The following TNKS variants were observed in gnomAD, a reference collection of about 807,000 sequenced individuals.
TNKS encodes poly [ADP-ribose] polymerase tankyrase-1.
In TNKS, 72 loss-of-function variants were observed where a neutral mutation model predicts 135.8. The ratio of observed to expected loss-of-function variants is 0.53; its 90% CI spans 0.44 to 0.64. TNKS has a LOEUF of 0.64. Ranked by LOEUF, TNKS falls within the 30% of genes least tolerant of loss-of-function variation. TNKS has a pLI of 0.00. For synonymous variants in TNKS, 849 were observed against 649.3 expected, an observed-to-expected ratio of 1.31 and a Z score of -4.68; for missense variants, 1,769 against 1,674.0, an observed-to-expected ratio of 1.06 and a Z score of -0.99.
At chr8:9,721,809 T>G (rs6986929) in intron 12 of TNKS, among the ~76,000 whole-genome samples, 106,383 of 151,792 alleles carry the variant, frequency 0.7, 37,826 homozygotes, top group Admixed American at 0.8. Flanking sequence ...ATCCCAGCAC[T>G]TTGGGAGGCC....
At chr8:9,638,883 G>T (rs1356927374) in intron 3 of TNKS, among the ~76,000 whole-genome samples, 1 of 152,092 alleles carries the variant, frequency 6.6e-6, no homozygotes, top group Non-Finnish European at 1.5e-5. Context: ...TTTCAAATTG[G>T]TGCCCAAATG....
chr8:9,651,200 T>G (rs570077779), intron 3 of TNKS, among the ~76,000 whole-genome samples: 1 of 152,268 alleles, frequency 6.6e-6, no homozygotes, highest in Non-Finnish European at 1.5e-5. Context: ...GTACAAAATT[T>G]TAAATAAAAA....
intron 1 of TNKS, among the ~76,000 whole-genome samples, chr8:9,569,824 G>A (rs1797691418): frequency 6.6e-6 from 1 of 151,888 alleles, no homozygotes; most frequent in Non-Finnish European, 1.5e-5. Flanking sequence ...TGTTATCTGT[G>A]CTTTGTTAAA....
At position 9,680,968 on chromosome 8, in the gene TNKS, A is replaced by G. The variant is rs1231496534; in HGVS notation, c.1107+168A>G. ...TGTTATTGGCAGTTGTGACACATTCATAGAACTGGTGAAGCATGGATCTTA... is the reference window on the plus strand; with the variant it reads ...TGTTATTGGCAGTTGTGACACATTCGTAGAACTGGTGAAGCATGGATCTTA... On this transcript the variant is annotated intron_variant, in intron 5 of 26. Coordinates refer to ENST00000310430, the MANE Select transcript of TNKS (RefSeq NM_003747.3). 10 of 486,762 alleles carry G rather than the reference A, an allele frequency of 2.1e-5. No individual in the cohort carries two copies. The South Asian group carries it at 2.5e-4, about 12-fold the overall frequency. 30.2% of individuals were successfully genotyped at this position (486,762 alleles called of 1,614,324 possible). A position where few individuals can be genotyped will look rare whatever the true frequency, so the allele number is the denominator to read the frequency against.
In TNKS at chr8:9,642,011, C is replaced by G. The variant is rs1457016966; in HGVS notation, c.994+26334C>G. Among the ~76,000 whole-genome samples the G allele has an allele frequency of 1.4e-5, 2 of 146,330 alleles. 1 individual carries two copies. Among genetic ancestry groups the G allele is most frequent in the Non-Finnish European group, 3.0e-5 (2 of 66,712 alleles). On this transcript the variant is annotated intron_variant, in intron 3 of 26. Coordinates refer to ENST00000310430, the MANE Select transcript of TNKS (RefSeq NM_003747.3). ...AATTTCAATTTTTTGCACTTCTGAA[C>G]TACAACAGTTGCTTCTTTACAAGCT...
intron 3 of TNKS, chr8:9,670,130 C>A (rs972946237): frequency 3.3e-5 from 5 of 152,062 alleles, no homozygotes; most frequent in Admixed American, 3.3e-4. Flanking sequence ...TTCCACATTT[C>A]GTTCAGTTGA....
Position 9,556,480 on chromosome 8 carries a change from G to C in TNKS, c.541G>C (p.Gly181Arg). Reference sequence around the variant, plus strand: ...TGGGACAGGGGTCCCAGCAGTGAGCGGGGCCCTACGGGAACTGCTGGAGGC... The same window carrying C: ...TGGGACAGGGGTCCCAGCAGTGAGCCGGGCCCTACGGGAACTGCTGGAGGC... ...GPGTGVPAVS[G>R]ALRELLEACR... Residue 181 changes from glycine (G) to arginine (R), a missense_variant, in exon 1 of 27, where the codon GGG becomes CGG. Transcript: ENST00000310430. 1 of 1,614,150 alleles carries C rather than the reference G, an allele frequency of 6.2e-7. No individual in the cohort carries two copies. The highest frequency in any genetic ancestry group is 8.5e-7 in the Non-Finnish European group (1 of 1,180,040).
At chr8:9,563,597 T>G (rs1039033920) in intron 1 of TNKS, among the ~76,000 whole-genome samples, 2 of 152,202 alleles carry the variant, frequency 1.3e-5, no homozygotes, top group Non-Finnish European at 2.9e-5. Flanking sequence ...TTTTTCCATT[T>G]TGTGTTCTTT....
rs1808389234 is a variant in TNKS, at chr8:9,779,926, A to G, written c.*3190A>G. 1 of 152,230 alleles carries G rather than the reference A, an allele frequency of 6.6e-6. No homozygotes were observed. Among genetic ancestry groups the G allele is most frequent in the South Asian group, 2.1e-4 (1 of 4,832 alleles). 9.4% of individuals were successfully genotyped at this position (152,230 alleles called of 1,614,324 possible). On this transcript the variant is annotated 3_prime_UTR_variant, in exon 27 of 27. Coordinates refer to ENST00000310430, the MANE Select transcript of TNKS (RefSeq NM_003747.3). ...ATCAACATTAGGATGTTTTCATGAA[A>G]TAGCATCCTTATACTTCTTTGAGCT...
chr8:9,567,556 C>T (rs1438870289), intron 1 of TNKS, among the ~76,000 whole-genome samples: 2 of 152,186 alleles, frequency 1.3e-5, no homozygotes, highest in Non-Finnish European at 2.9e-5. Flanking sequence ...GCTGGGACTA[C>T]AGGCGCCCGC....
chr8:9,612,544 A>T (rs1799499664), intron 2 of TNKS, among the ~76,000 whole-genome samples: 1 of 149,156 alleles, frequency 6.7e-6, no homozygotes, highest in Admixed American at 7.0e-5. Context: ...AGAATTGTTT[A>T]TATATTTTTA....
chr8:9,717,346 A>T (rs1804665118), intron 11 of TNKS, among the ~76,000 whole-genome samples: 1 of 151,840 alleles, frequency 6.6e-6, no homozygotes, highest in South Asian at 2.1e-4. Flanking sequence ...ACCACCAAGG[A>T]TAATGATGAA....
chr8:9,669,492 T>C (rs1396577295), intron 3 of TNKS, among the ~76,000 whole-genome samples: 1 of 152,012 alleles, frequency 6.6e-6, no homozygotes, highest in Non-Finnish European at 1.5e-5. Flanking sequence ...GATTATAATG[T>C]AGCAGAATCT....
At chr8:9,772,495 A>C (rs1446939452) in intron 26 of TNKS, 1 of 447,724 alleles carries the variant, frequency 2.2e-6, no homozygotes, top group Non-Finnish European at 4.5e-6. Flanking sequence ...AAAAATGTTA[A>C]TATTATAAAA....
intron 18 of TNKS, among the ~76,000 whole-genome samples, chr8:9,750,763 C>A (rs1043226935): frequency 9.2e-5 from 14 of 152,240 alleles, no homozygotes; most frequent in African/African-American, 3.4e-4. Flanking sequence ...TATTATTTCT[C>A]ACACGTCTGG....
chr8:9,717,450 A>G (rs1010093899), intron 11 of TNKS, among the ~76,000 whole-genome samples: 1 of 152,130 alleles, frequency 6.6e-6, no homozygotes, highest in Admixed American at 6.5e-5. Context: ...AAGCAATTCT[A>G]TAAACACTGG....
In TNKS at chr8:9,781,097, G is replaced by T. The variant is rs1279519525; in HGVS notation, c.*4361G>T. ...CTTTGCACGACCAAATATGGTCGTA[G>T]TATGACGAGTTTTATACATTGCCAG... is the stretch of plus-strand genomic sequence containing the variant. On this transcript the variant is annotated 3_prime_UTR_variant, in exon 27 of 27. Transcript: ENST00000310430. 6.6e-6 allele frequency: 1 copy of T among 152,220 alleles called. No individual in the cohort carries two copies. The highest frequency in any genetic ancestry group is 2.4e-5 in the African/African-American group (1 of 41,452). 9.4% of individuals were successfully genotyped at this position (152,220 alleles called of 1,614,324 possible). A position where few individuals can be genotyped will look rare whatever the true frequency, so the allele number is the denominator to read the frequency against.
intron 3 of TNKS, among the ~76,000 whole-genome samples, chr8:9,629,285 C>T (rs567293651): frequency 7.2e-5 from 11 of 152,140 alleles, no homozygotes; most frequent in Non-Finnish European, 1.2e-4. Context: ...CTAATCTTGC[C>T]GAGGAGTGAC....
chr8:9,569,437 C>G (rs1797677573), intron 1 of TNKS, among the ~76,000 whole-genome samples: 1 of 152,158 alleles, frequency 6.6e-6, no homozygotes, highest in African/African-American at 2.4e-5. Flanking sequence ...TAGATTTTGT[C>G]TGTTTTGAAC....
Sources: gnomAD v4.1 joint callset for allele counts (sites outside exome capture counted in the v4.1 genomes callset) on GRCh38, gnomAD v4.1.1 for gene constraint, MANE v1.5 for transcripts, NCBI Gene and HGNC (gene_info 2026-07-23, HGNC 2026-07-21) for gene names.